NUP93: variants seen among roughly 807,000 people sequenced by gnomAD.
NUP93 encodes nuclear pore complex protein Nup93.
Under a neutral mutation model 107.8 loss-of-function variants are expected in NUP93, and 55 were observed. The observed-to-expected ratio is 0.51, with a 90% confidence interval of 0.41 to 0.64. NUP93 has a LOEUF of 0.64. Among genes scored for constraint, NUP93 ranks in the 30% least tolerant of loss-of-function variants. The pLI is 0.00. For missense variants in NUP93, 937 were observed against 1,044.7 expected (o/e 0.90, Z 1.42); for synonymous variants, 390 against 397.5 (o/e 0.98, Z 0.22).
intron 3 of NUP93, chr16:56,783,272 C>G (rs1255079648): frequency 1.9e-5 from 3 of 156,222 alleles, no homozygotes; most frequent in Non-Finnish European, 4.2e-5. Flanking sequence ...GTTTATTTCC[C>G]TTTGGAGGTG....
chr16:56,774,090 C>T (rs768593219), intron 3 of NUP93, among the ~76,000 whole-genome samples: 7 of 151,724 alleles, frequency 4.6e-5, no homozygotes, highest in Non-Finnish European at 8.8e-5. Context: ...TAGTCAGAGC[C>T]CAGAGGAGAA....
At chr16:56,825,168 C>T (rs1232731703) in intron 8 of NUP93, among the ~76,000 whole-genome samples, 4 of 151,294 alleles carry the variant, frequency 2.6e-5, no homozygotes, top group Admixed American at 2.6e-4. Flanking sequence ...GCAGTCCTCC[C>T]ACCTCAGCCT....
chr16:56,773,238 C>G (rs1355806750), intron 3 of NUP93, among the ~76,000 whole-genome samples: 1 of 152,210 alleles, frequency 6.6e-6, no homozygotes, highest in Admixed American at 6.5e-5. Context: ...CATTTGGTTG[C>G]GTTTCTTGTG....
intron 3 of NUP93, among the ~76,000 whole-genome samples, chr16:56,786,505 G>C (rs533585764): frequency 6.6e-6 from 1 of 152,200 alleles, no homozygotes. Context: ...AGTCTGTCTT[G>C]TCTTTGCCTT....
rs1964127966 is a variant in NUP93, at chr16:56,847,351, G to A, written c.*2742G>A. ...TTATTATCTTAAAAACTCATCTTCAGCCCACTTTTTCAGAGAACTAACTCT... is the reference window on the plus strand; with the variant it reads ...TTATTATCTTAAAAACTCATCTTCAACCCACTTTTTCAGAGAACTAACTCT... On this transcript the variant is annotated 3_prime_UTR_variant, in exon 22 of 22. Transcript: ENST00000308159. The A allele has an allele frequency of 6.6e-6, 1 of 152,174 alleles. No individual in the cohort carries two copies. The highest frequency in any genetic ancestry group is 2.4e-5 in the African/African-American group (1 of 41,450). The allele number at this position is 152,174 out of a possible 1,614,324, so 9.4% of individuals were successfully genotyped here.
chr16:56,839,794 A>G (rs1284414703), intron 20 of NUP93, 190 bp downstream of exon 20: 1 of 561,576 alleles, frequency 1.8e-6, no homozygotes, highest in Non-Finnish European at 3.2e-6. Context: ...CCATCAGATT[A>G]TTGTCTGAAT....
chr16:56,742,347 G>C (rs1210760332), intron 1 of NUP93, among the ~76,000 whole-genome samples: 2 of 152,192 alleles, frequency 1.3e-5, no homozygotes, highest in African/African-American at 4.8e-5. Context: ...GGCAAACTAT[G>C]GCCTATGTGC....
At chr16:56,813,461 C>A (rs1394511816) in intron 5 of NUP93, among the ~76,000 whole-genome samples, 2 of 152,140 alleles carry the variant, frequency 1.3e-5, no homozygotes, top group Non-Finnish European at 1.5e-5. Context: ...GGGGATGGAC[C>A]CAGTTCACCT....
chr16:56,816,690 A>G (rs9939678), intron 5 of NUP93, among the ~76,000 whole-genome samples: 64,287 of 151,934 alleles, frequency 0.42, 13,779 homozygotes, highest in East Asian at 0.61. Context: ...AGGGTGTGCC[A>G]TTCCTTGATG....
intron 1 of NUP93, among the ~76,000 whole-genome samples, chr16:56,737,634 T>C (rs368150637): frequency 2.1e-5 from 3 of 146,080 alleles, no homozygotes; most frequent in Non-Finnish European, 4.5e-5. Flanking sequence ...TTTTTTTTTT[T>C]CTTTTTGTAT....
intron 21 of NUP93, among the ~76,000 whole-genome samples, chr16:56,843,224 C>T (rs1414138466): frequency 6.6e-6 from 1 of 152,178 alleles, no homozygotes; most frequent in East Asian, 1.9e-4. Flanking sequence ...GTTCATGGTG[C>T]CCACCATTTG....
chr16:56,820,174 GT>G (rs1963514407), intron 6 of NUP93, among the ~76,000 whole-genome samples: 2 of 152,200 alleles, frequency 1.3e-5, no homozygotes, highest in Non-Finnish European at 2.9e-5. Context: ...TATTGTGTCT[GT>G]TTACACGGCT....
At chr16:56,801,865 C>T (rs1323538972) in intron 4 of NUP93, among the ~76,000 whole-genome samples, 2 of 152,162 alleles carry the variant, frequency 1.3e-5, no homozygotes, top group Non-Finnish European at 2.9e-5. Flanking sequence ...CACAGGCAGG[C>T]AGCCCAATTA....
chr16:56,804,259 C>T (rs1213564216), intron 4 of NUP93, among the ~76,000 whole-genome samples: 3 of 152,150 alleles, frequency 2.0e-5, no homozygotes, highest in Non-Finnish European at 2.9e-5. Context: ...TATTTGTACA[C>T]CCACGTTTAT....
At chr16:56,751,247 T>A (rs1188745359) in intron 2 of NUP93, among the ~76,000 whole-genome samples, 2 of 152,180 alleles carry the variant, frequency 1.3e-5, no homozygotes, top group Non-Finnish European at 2.9e-5. Context: ...TGTTATTAAT[T>A]TGCTTATTTT....
At chr16:56,739,468 G>C (rs1376228029) in intron 1 of NUP93, among the ~76,000 whole-genome samples, 15 of 40,502 alleles carry the variant, frequency 3.7e-4, no homozygotes, top group Admixed American at 1.0e-3. Flanking sequence ...CAGTAGGGGC[G>C]GCCGGGCAGA....
At chr16:56,773,478 T>G (rs140930162) in intron 3 of NUP93, among the ~76,000 whole-genome samples, 199 of 152,340 alleles carry the variant, frequency 1.3e-3, no homozygotes, top group African/African-American at 4.5e-3. Flanking sequence ...GTATTAACTT[T>G]CTAGCTCAGG....
At chr16:56,800,340 T>C (rs929921765) in intron 4 of NUP93, among the ~76,000 whole-genome samples, 1 of 152,216 alleles carries the variant, frequency 6.6e-6, no homozygotes, top group Non-Finnish European at 1.5e-5. Context: ...CCAACATTGA[T>C]TCTCCTGCTG....
rs755502157 is a variant in NUP93, at chr16:56,834,694, C to T, written c.1738-40C>T. On this transcript the variant is annotated intron_variant, in intron 15 of 21. Coordinates refer to ENST00000308159, the MANE Select transcript of NUP93 (RefSeq NM_014669.5). ...GAAGACTTATGGAATATGTTTATAT[C>T]TTTGTCCAATAATTTGAGTAAACTT... 7 of 1,565,230 alleles carry T rather than the reference C, an allele frequency of 4.5e-6. No individual in the cohort carries two copies. In the East Asian group the frequency reaches 1.6e-4, roughly 35 times the overall value.
Sources: gnomAD v4.1 joint callset for allele counts (sites outside exome capture counted in the v4.1 genomes callset) on GRCh38, gnomAD v4.1.1 for gene constraint, MANE v1.5 for transcripts, NCBI Gene and HGNC (gene_info 2026-07-23, HGNC 2026-07-21) for gene names.